Variants in PCDH15 observed in about 807,000 individuals in gnomAD.
The protein encoded by PCDH15 is protocadherin related 15.
PCDH15 carries 129 observed loss-of-function variants against 178.5 expected under a neutral mutation model. That is an observed-to-expected ratio of 0.72 (90% confidence interval 0.63 to 0.84). The LOEUF is 0.84. Among genes scored for constraint, PCDH15 ranks in the 40% least tolerant of loss-of-function variants. The pLI, the probability that PCDH15 is intolerant of heterozygous loss-of-function variation, is 0.00. For missense variants in PCDH15, 2,230 were observed against 2,099.9 expected (o/e 1.06, Z -1.21); for synonymous variants, 800 against 732.0 (o/e 1.09, Z -1.50).
intron 15 of PCDH15, among the ~76,000 whole-genome samples, chr10:54,120,115 G>T (rs1306276955): frequency 6.6e-6 from 1 of 152,144 alleles, no homozygotes; most frequent in Admixed American, 6.6e-5. Flanking sequence ...TCTATTTTCA[G>T]CATGCTTAAA....
chr10:54,722,104 A>G (rs1050040236), intron 1 of PCDH15, among the ~76,000 whole-genome samples: 1 of 151,826 alleles, frequency 6.6e-6, no homozygotes, highest in Non-Finnish European at 1.5e-5. Flanking sequence ...AAAGAGAACT[A>G]AAATAGAAAA....
chr10:53,806,246 A>T lies in PCDH15; in HGVS notation c.*333T>A, dbSNP rs1564505399. On this transcript the variant is annotated 3_prime_UTR_variant, in exon 38 of 38. Coordinates refer to ENST00000644397, the MANE Select transcript of PCDH15 (RefSeq NM_001384140.1). ...TTTTGTGGAGCTAGAAATAAAGCAT[A>T]ATCTATGTTAATCAATAAAATATAA... The T allele has an allele frequency of 4.9e-6, 1 of 202,426 alleles. No homozygotes were observed. 12.5% of individuals were successfully genotyped at this position (202,426 alleles called of 1,614,324 possible).
At chr10:55,437,626 T>C (rs572090230) in intron 2 of PCDH15, among the ~76,000 whole-genome samples, 42 of 152,014 alleles carry the variant, frequency 2.8e-4, no homozygotes, top group South Asian at 1.2e-3. Context: ...CTAGAAACAA[T>C]AGAAATAGTA....
At chr10:54,777,951 C>G (rs1949883437) in intron 1 of PCDH15, among the ~76,000 whole-genome samples, 1 of 152,038 alleles carries the variant, frequency 6.6e-6, no homozygotes, top group Admixed American at 6.6e-5. Context: ...TTCAGAAGAT[C>G]AGTAGAGTTG....
intron 6 of PCDH15, among the ~76,000 whole-genome samples, chr10:54,332,271 TATATA>T (rs377283393): frequency 0.018 from 1,228 of 66,404 alleles, 53 homozygotes; most frequent in Middle Eastern, 0.049. Context: ...TATATTATTA[TATATA>T]ATATAATATA....
intron 2 of PCDH15, among the ~76,000 whole-genome samples, chr10:55,118,547 G>A (rs545363550): frequency 6.8e-4 from 104 of 152,228 alleles, no homozygotes; most frequent in African/African-American, 2.5e-3. Flanking sequence ...TTGTGCATGT[G>A]GGACTCAGTA....
At chr10:55,461,673 C>T (rs564550890) in intron 2 of PCDH15, among the ~76,000 whole-genome samples, 5 of 151,954 alleles carry the variant, frequency 3.3e-5, no homozygotes, top group Admixed American at 6.6e-5. Context: ...CTTACCAAAA[C>T]GGAAACTATC....
At chr10:54,194,974 T>G (rs1395048326) in intron 11 of PCDH15, among the ~76,000 whole-genome samples, 2 of 152,146 alleles carry the variant, frequency 1.3e-5, no homozygotes, top group Non-Finnish European at 2.9e-5. Context: ...AGGTTTCAGA[T>G]TCATTTCCAC....
In PCDH15 at chr10:53,930,892, C is replaced by G. The variant is rs530799462; in HGVS notation, c.3373+7923G>C. On this transcript the variant is annotated intron_variant, in intron 25 of 37. Coordinates refer to ENST00000644397, the MANE Select transcript of PCDH15 (RefSeq NM_001384140.1). ...TTTTCTCAGTAATTGGCTTTCTGTACAGCAAGCAGCAGGACCTAGACCAAA... is the reference window on the plus strand; with the variant it reads ...TTTTCTCAGTAATTGGCTTTCTGTAGAGCAAGCAGCAGGACCTAGACCAAA... 2.1e-4 allele frequency among the ~76,000 whole-genome samples: 32 copies of G among 152,280 alleles called. No individual in the cohort carries two copies. The South Asian group carries it at 6.0e-3, about 29-fold the overall frequency.
chr10:55,120,700 A>C (rs1837744306), intron 2 of PCDH15, among the ~76,000 whole-genome samples: 1 of 152,196 alleles, frequency 6.6e-6, no homozygotes, highest in Admixed American at 6.5e-5. Context: ...CCCTTGATGC[A>C]TTATCTCACC....
chr10:54,516,566 G>C (rs1342813580), intron 3 of PCDH15, among the ~76,000 whole-genome samples: 2 of 152,140 alleles, frequency 1.3e-5, no homozygotes, highest in African/African-American at 4.8e-5. Flanking sequence ...TATGTGAAAA[G>C]ACCAAATCTA....
intron 2 of PCDH15, among the ~76,000 whole-genome samples, chr10:54,637,973 G>A (rs2093901348): frequency 6.6e-6 from 1 of 151,990 alleles, no homozygotes; most frequent in Non-Finnish European, 1.5e-5. Flanking sequence ...TGACTAATTA[G>A]TACAGTCTCT....
intron 2 of PCDH15, among the ~76,000 whole-genome samples, chr10:55,081,966 T>G (rs1842050095): frequency 6.6e-6 from 1 of 152,068 alleles, no homozygotes. Context: ...CACCCCTACA[T>G]GATAATAGTT....
At chr10:55,192,747 A>C (rs1839977097) in intron 1 of PCDH15, among the ~76,000 whole-genome samples, 1 of 151,168 alleles carries the variant, frequency 6.6e-6, no homozygotes, top group African/African-American at 2.4e-5. Flanking sequence ...CTCTCTATAT[A>C]TATATATACA....
chr10:53,892,022 T>G (rs966194524), intron 26 of PCDH15, among the ~76,000 whole-genome samples: 1 of 126,354 alleles, frequency 7.9e-6, no homozygotes, highest in East Asian at 2.1e-4. Context: ...ACATCTATGT[T>G]TTTTTTTTTT....
In PCDH15 at chr10:55,159,490, T is replaced by TAC. The variant is rs529106499; in HGVS notation, c.-80+7084_-80+7085dup. Among the ~76,000 whole-genome samples, 791 of 148,076 alleles carry TAC rather than the reference T, an allele frequency of 5.3e-3. 3 individuals are homozygous for TAC. Among genetic ancestry groups the TAC allele is most frequent in the African/African-American group, 0.018 (737 of 40,556 alleles). The stretch of plus-strand genomic sequence containing the variant: ...TCTCTATGTTATGTACACACACACA[T>TAC]ACACACACACACATATACACACACA... On this transcript the variant is annotated intron_variant, in intron 2 of 5. Transcript: ENST00000458638.
At chr10:55,444,719 A>C (rs1369539643) in intron 2 of PCDH15, among the ~76,000 whole-genome samples, 1 of 152,104 alleles carries the variant, frequency 6.6e-6, no homozygotes, top group Non-Finnish European at 1.5e-5. Context: ...ACGAAAGTGA[A>C]AGTATTGTCA....
chr10:54,857,671 C>T (rs535352227), intron 3 of PCDH15, among the ~76,000 whole-genome samples: 1 of 150,460 alleles, frequency 6.6e-6, no homozygotes, highest in Admixed American at 6.6e-5. Flanking sequence ...AGGATAGTTG[C>T]AAACTTCTGG....
chr10:54,155,833 C>T (rs2045078687), intron 13 of PCDH15, among the ~76,000 whole-genome samples: 1 of 149,622 alleles, frequency 6.7e-6, no homozygotes, highest in Non-Finnish European at 1.5e-5. Flanking sequence ...AACGACATTA[C>T]ACAGTAGATG....
Sources: allele counts gnomAD v4.1 joint callset (sites outside exome capture counted in the v4.1 genomes callset), GRCh38; gene constraint gnomAD v4.1.1; transcripts MANE v1.5; gene names NCBI Gene and HGNC (gene_info 2026-07-23, HGNC 2026-07-21).